DPYD: variants seen among roughly 807,000 people sequenced by gnomAD.
DPYD encodes dihydropyrimidine dehydrogenase [NADP(+)].
In DPYD, 109 loss-of-function variants were observed where a neutral mutation model predicts 116.2. That is an observed-to-expected ratio of 0.94 (90% CI 0.80 to 1.10). The LOEUF is 1.10. DPYD is among the 50% of genes least tolerant of loss of function. DPYD has a pLI of 0.00. For synonymous variants in DPYD, 440 were observed against 432.0 expected (o/e 1.02, Z -0.23); for missense variants, 1,302 against 1,254.5 (o/e 1.04, Z -0.57).
intron 21 of DPYD, among the ~76,000 whole-genome samples, chr1:97,092,468 T>G (rs1253711716): frequency 6.6e-6 from 1 of 152,198 alleles, no homozygotes; most frequent in Non-Finnish European, 1.5e-5. Context: ...TTCCTTTTTG[T>G]ATTTCTTCCA....
intron 20 of DPYD, among the ~76,000 whole-genome samples, chr1:97,123,902 A>G (rs1046494681): frequency 2.8e-4 from 43 of 152,228 alleles, no homozygotes; most frequent in African/African-American, 9.1e-4. Context: ...CCTGCAGCAT[A>G]CAGAGTAGCC....
At chr1:97,491,880 C>T (rs565493121) in intron 13 of DPYD, among the ~76,000 whole-genome samples, 2 of 152,176 alleles carry the variant, frequency 1.3e-5, no homozygotes, top group South Asian at 2.1e-4. Flanking sequence ...AATTCTCCAA[C>T]CAACTTCCGG....
intron 14 of DPYD, among the ~76,000 whole-genome samples, chr1:97,432,316 T>C (rs1052468691): frequency 6.6e-6 from 1 of 152,108 alleles, no homozygotes; most frequent in Admixed American, 6.6e-5. Context: ...CTATGCTAAT[T>C]TACTATGTCT....
intron 2 of DPYD, among the ~76,000 whole-genome samples, chr1:97,848,823 A>AT (rs1024415429): frequency 1.3e-5 from 2 of 152,120 alleles, no homozygotes; most frequent in African/African-American, 4.8e-5. Flanking sequence ...AGGTTTCGGG[A>AT]TTTTTTTCTG....
At chr1:97,495,590 GAC>G (rs762083217) in intron 13 of DPYD, among the ~76,000 whole-genome samples, 4 of 151,982 alleles carry the variant, frequency 2.6e-5, no homozygotes, top group African/African-American at 4.8e-5. Context: ...AGTGCTGTAA[GAC>G]AGTTTGTTAA....
chr1:97,392,218 T>A (rs1672745812), intron 14 of DPYD, among the ~76,000 whole-genome samples: 1 of 152,110 alleles, frequency 6.6e-6, no homozygotes, highest in African/African-American at 2.4e-5. Flanking sequence ...AAGTTATGTT[T>A]TCACTACAAT....
chr1:97,575,523 G>A (rs1410673909), intron 10 of DPYD, among the ~76,000 whole-genome samples: 1 of 151,964 alleles, frequency 6.6e-6, no homozygotes, highest in Non-Finnish European at 1.5e-5. Context: ...TCTTATTTAG[G>A]ATATTTTTAA....
rs1224287661 is a variant in DPYD at position 97,739,246 on chromosome 1, T to TA, written c.321+1145dup. ...GAATAGGGAAACTAATAATTCCACA[T>TA]AAAAAATTGTTGAGTAATCACTATA... On this transcript the variant is annotated intron_variant, in intron 4 of 22. Transcript: ENST00000370192. 7.2e-5 allele frequency among the ~76,000 whole-genome samples: 11 copies of TA among 152,216 alleles called. No homozygotes were observed. The East Asian group carries it at 1.5e-3, about 21-fold the overall frequency.
chr1:97,224,772 T>C (rs951872010), intron 19 of DPYD, among the ~76,000 whole-genome samples: 5 of 151,886 alleles, frequency 3.3e-5, no homozygotes, highest in African/African-American at 1.2e-4. Flanking sequence ...ACATTTTCCT[T>C]TCTGTGTTTG....
chr1:97,761,246 G>A (rs1212633637), intron 3 of DPYD, among the ~76,000 whole-genome samples: 4 of 151,872 alleles, frequency 2.6e-5, no homozygotes. Flanking sequence ...ATGATACAAG[G>A]AAAAACTAAT....
intron 20 of DPYD, among the ~76,000 whole-genome samples, chr1:97,138,280 G>C (rs1653955047): frequency 1.3e-5 from 2 of 152,124 alleles, no homozygotes; most frequent in African/African-American, 4.8e-5. Context: ...CTGATTGGAG[G>C]CCATTTCTTC....
rs758836026 is a variant in DPYD at position 97,082,515 on chromosome 1, T to C, written c.2767-45A>G. ...TACTTAGCAAGCTCATTTTAAAACA[T>C]TTTCATGTAATAATTAATATCACTC... On this transcript the variant is annotated intron_variant, in intron 21 of 22. Coordinates refer to ENST00000370192, the MANE Select transcript of DPYD (RefSeq NM_000110.4). 4.4e-6 allele frequency: 7 copies of C among 1,606,418 alleles called. No homozygotes were observed. The East Asian group carries it at 6.7e-5, about 15-fold the overall frequency.
intron 8 of DPYD, among the ~76,000 whole-genome samples, chr1:97,637,190 G>C (rs904652607): frequency 2.6e-5 from 4 of 152,004 alleles, no homozygotes; most frequent in Admixed American, 6.6e-5. Context: ...ATGGCATGAA[G>C]AAGAAGGAAA....
intron 20 of DPYD, among the ~76,000 whole-genome samples, chr1:97,179,365 T>C (rs929073555): frequency 8.5e-5 from 13 of 152,098 alleles, no homozygotes; most frequent in Admixed American, 1.3e-4. Flanking sequence ...GGTGCCCAGA[T>C]TGATAGCCTG....
intron 16 of DPYD, among the ~76,000 whole-genome samples, chr1:97,307,773 G>A (rs1667258716): frequency 6.6e-6 from 1 of 151,878 alleles, no homozygotes; most frequent in Non-Finnish European, 1.5e-5. Flanking sequence ...ATCTGCCCCT[G>A]CCCATGCAAT....
rs139824271 is a variant in DPYD, at chr1:97,292,005, T to C, written c.2299+13254A>G. ...TTTTTTACACAAAATTATAATGCGT[T>C]ATACCCCACATTAGGTTTTATTTTT... is the stretch of plus-strand genomic sequence containing the variant. On this transcript the variant is annotated intron_variant, in intron 18 of 22. Transcript: ENST00000370192. 1.6e-4 allele frequency among the ~76,000 whole-genome samples: 25 copies of C among 152,306 alleles called. No homozygotes were observed. The East Asian group carries it at 3.5e-3, about 21-fold the overall frequency.
chr1:97,484,205 T>TG (rs1260444258), intron 13 of DPYD, among the ~76,000 whole-genome samples: 2 of 152,056 alleles, frequency 1.3e-5, no homozygotes, highest in Non-Finnish European at 2.9e-5. Context: ...CTCAGGAGGC[T>TG]AAGTAGGAGA....
intron 8 of DPYD, among the ~76,000 whole-genome samples, chr1:97,670,901 AT>A (rs1659827121): frequency 2.0e-5 from 3 of 152,298 alleles, no homozygotes; most frequent in South Asian, 4.1e-4. Context: ...TACTTCTCTA[AT>A]TTAGGTAACT....
At chr1:97,394,509 G>T (rs533692493) in intron 14 of DPYD, 7 of 151,998 alleles carry the variant, frequency 4.6e-5, no homozygotes, top group African/African-American at 1.4e-4. Context: ...ACGGGTGTTC[G>T]TGGCACCTGA....
Sources: gnomAD v4.1 joint callset for allele counts (sites outside exome capture counted in the v4.1 genomes callset) on GRCh38, gnomAD v4.1.1 for gene constraint, MANE v1.5 for transcripts, NCBI Gene and HGNC (gene_info 2026-07-23, HGNC 2026-07-21) for gene names.